Variants in CD2AP observed in about 807,000 individuals in gnomAD.
CD2AP encodes the protein CD2 associated protein.
In CD2AP, 46 loss-of-function variants were observed where a neutral mutation model predicts 85.1. That is an observed-to-expected ratio of 0.54 (90% CI 0.43 to 0.69). CD2AP has a LOEUF of 0.69. Among genes scored for constraint, CD2AP ranks in the 30% least tolerant of loss-of-function variants. The pLI, the probability that CD2AP is intolerant of heterozygous loss-of-function variation, is 0.00. For synonymous variants in CD2AP, 255 were observed against 252.9 expected, an observed-to-expected ratio of 1.01 and a Z score of -0.08; for missense variants, 769 against 729.5, an observed-to-expected ratio of 1.05 and a Z score of -0.62.
intron 1 of CD2AP, among the ~76,000 whole-genome samples, chr6:47,497,347 C>CTCCCCTTCCCCTTCCCCTTCCCCT (rs201742003): frequency 7.2e-6 from 1 of 138,138 alleles, no homozygotes; most frequent in African/African-American, 3.1e-5. Flanking sequence ...CTTCCCTTCC[C>CTCCCCTTCCCCTTCCCCTTCCCCT]TCCCCTTCCC....
rs771541056 is a variant in CD2AP at position 47,595,868 on chromosome 6, A to T, written c.1116A>T (p.Lys372Asn). Residue 372 changes from lysine (K) to asparagine (N), a missense_variant, in exon 12 of 18, where the codon AAA becomes AAT. Coordinates refer to ENST00000359314, the MANE Select transcript of CD2AP (RefSeq NM_012120.3). ...FSLKPEEKDE[K>N]STLEQKPSKP... is the part of the protein sequence containing the mutation. Reference sequence around the variant, plus strand: ...AAATATTTTAAATCTTAGATGAAAAATCAACACTGGAACAGAAACCTTCTA... The same window carrying T: ...AAATATTTTAAATCTTAGATGAAAATTCAACACTGGAACAGAAACCTTCTA... 6.2e-7 allele frequency: 1 copy of T among 1,611,988 alleles called. No homozygotes were observed. Among genetic ancestry groups the T allele is most frequent in the South Asian group, 1.1e-5 (1 of 90,928 alleles).
intron 14 of CD2AP, among the ~76,000 whole-genome samples, chr6:47,607,428 C>T (rs896159460): frequency 8.5e-5 from 13 of 152,118 alleles, no homozygotes; most frequent in African/African-American, 2.6e-4. Flanking sequence ...CAACAGTGTA[C>T]GAGGGTTCCC....
chr6:47,487,646 C>T (rs553542252), intron 1 of CD2AP, among the ~76,000 whole-genome samples: 27 of 152,160 alleles, frequency 1.8e-4, no homozygotes, highest in African/African-American at 5.8e-4. Flanking sequence ...GCTGAGATCG[C>T]GCCACTGCAC....
rs1769916481 is a variant in CD2AP, at chr6:47,626,630, T to C, written c.*2403T>C. 6.6e-6 allele frequency: 1 copy of C among 152,458 alleles called. No homozygotes were observed. Among genetic ancestry groups the C allele is most frequent in the African/African-American group, 2.4e-5 (1 of 41,446 alleles). The allele number at this position is 152,458 out of a possible 1,614,324, so 9.4% of individuals were successfully genotyped here. ...AAGCTTCTGTCTTAATACAAAGCTG[T>C]TACCTTCTACAGAATTTAAGTCTGA... On this transcript the variant is annotated 3_prime_UTR_variant, in exon 18 of 18. Coordinates refer to ENST00000359314, the MANE Select transcript of CD2AP (RefSeq NM_012120.3).
chr6:47,534,803 CTT>C (rs34533492), intron 3 of CD2AP, among the ~76,000 whole-genome samples: 14 of 146,210 alleles, frequency 9.6e-5, no homozygotes, highest in Non-Finnish European at 7.6e-5. Flanking sequence ...AGATTGAATA[CTT>C]TTTTTTTTTT....
At chr6:47,548,645 A>G (rs911777033) in intron 4 of CD2AP, among the ~76,000 whole-genome samples, 5 of 152,146 alleles carry the variant, frequency 3.3e-5, no homozygotes, top group Non-Finnish European at 7.4e-5. Context: ...AATTGGTACC[A>G]ATCCTGTTGA....
At chr6:47,549,707 C>T (rs1384394798) in intron 4 of CD2AP, among the ~76,000 whole-genome samples, 1 of 151,948 alleles carries the variant, frequency 6.6e-6, no homozygotes. Flanking sequence ...TTAGAAAAAA[C>T]AATTCTAAAA....
chr6:47,503,215 T>C (rs996396457), intron 1 of CD2AP, 65 bp from the exon 2 acceptor site: 1 of 1,412,758 alleles, frequency 7.1e-7, no homozygotes, highest in Non-Finnish European at 1.0e-6. Context: ...TTTAAATTTA[T>C]TAATATAGTT....
intron 11 of CD2AP, among the ~76,000 whole-genome samples, chr6:47,594,277 T>C (rs1421458621): frequency 6.6e-6 from 1 of 152,098 alleles, no homozygotes; most frequent in East Asian, 1.9e-4. Flanking sequence ...TATGTAAATG[T>C]CACCTCAACT....
chr6:47,623,746 A>G (rs1021758173), intron 17 of CD2AP, among the ~76,000 whole-genome samples: 1 of 152,116 alleles, frequency 6.6e-6, no homozygotes, highest in African/African-American at 2.4e-5. Flanking sequence ...TGATTTAACA[A>G]TAATTATAAT....
chr6:47,553,156 T>G (rs961270372), intron 4 of CD2AP, among the ~76,000 whole-genome samples: 2 of 152,154 alleles, frequency 1.3e-5, no homozygotes, highest in Non-Finnish European at 1.5e-5. Context: ...TTTGAATCTT[T>G]CCCTAGTAGT....
At chr6:47,519,971 A>G (rs2114004836) in intron 2 of CD2AP, among the ~76,000 whole-genome samples, 1 of 152,348 alleles carries the variant, frequency 6.6e-6, no homozygotes, top group African/African-American at 2.4e-5. Flanking sequence ...AGATAGTAAA[A>G]AAGATTTTAG....
chr6:47,495,602 ACT>A (rs1440471728), intron 1 of CD2AP, among the ~76,000 whole-genome samples: 5 of 151,774 alleles, frequency 3.3e-5, no homozygotes, highest in African/African-American at 1.2e-4. Context: ...CTCGTCCGTG[ACT>A]CTCTGGCTTT....
At chr6:47,510,829 CT>C (rs1766292701) in intron 2 of CD2AP, among the ~76,000 whole-genome samples, 1 of 151,972 alleles carries the variant, frequency 6.6e-6, no homozygotes, top group East Asian at 1.9e-4. Flanking sequence ...AATTCCAGCA[CT>C]TTGGGAGGCC....
At position 47,624,491 on chromosome 6, in the gene CD2AP, GAATATA is replaced by G. The variant is rs1769849663; in HGVS notation, c.*269_*274del. ...AAATTGTTTGCTTGAAAATACTACT[GAATATA>G]AATAAGAATGTGCACAGTAGTTTTT... On this transcript the variant is annotated 3_prime_UTR_variant, in exon 18 of 18. Transcript: ENST00000359314. 2.4e-6 allele frequency: 1 copy of G among 420,530 alleles called. No individual in the cohort carries two copies. The allele number at this position is 420,530 out of a possible 1,614,324, so 26.0% of individuals were successfully genotyped here.
intron 17 of CD2AP, among the ~76,000 whole-genome samples, chr6:47,614,814 ATTCT>A (rs1185523861): frequency 6.6e-6 from 1 of 152,160 alleles, no homozygotes; most frequent in Non-Finnish European, 1.5e-5. Flanking sequence ...AGCTATTTTC[ATTCT>A]TTCTTTGCTC....
intron 3 of CD2AP, among the ~76,000 whole-genome samples, chr6:47,539,815 T>C (rs965299644): frequency 6.6e-6 from 1 of 152,144 alleles, no homozygotes; most frequent in African/African-American, 2.4e-5. Context: ...TATAATGATT[T>C]TTAGAAGACA....
chr6:47,624,302 TA>T lies in CD2AP; in HGVS notation c.*80del. ...TATGAACTTCAGCTGACTTGTTACT[TA>T]AAAATTGTGAATTCTGTTGTTGTGA... On this transcript the variant is annotated 3_prime_UTR_variant, in exon 18 of 18. Coordinates refer to ENST00000359314, the MANE Select transcript of CD2AP (RefSeq NM_012120.3). 1 of 1,160,596 alleles carries T rather than the reference TA, an allele frequency of 8.6e-7. No homozygotes were observed. 71.9% of individuals were successfully genotyped at this position (1,160,596 alleles called of 1,614,324 possible).
chr6:47,583,385 C>T (rs533838003), intron 11 of CD2AP, among the ~76,000 whole-genome samples: 2 of 152,234 alleles, frequency 1.3e-5, no homozygotes, highest in East Asian at 3.9e-4. Context: ...TACAGAATAG[C>T]ATTACTACTC....
Sources: allele counts gnomAD v4.1 joint callset (sites outside exome capture counted in the v4.1 genomes callset), GRCh38; gene constraint gnomAD v4.1.1; transcripts MANE v1.5; gene names NCBI Gene and HGNC (gene_info 2026-07-23, HGNC 2026-07-21).